The following HS2ST1 variants were observed in gnomAD, a reference collection of about 807,000 sequenced individuals.
HS2ST1 encodes heparan sulfate 2-O-sulfotransferase 1.
A neutral mutation model predicts 42.9 loss-of-function variants in HS2ST1; 18 were observed. The observed-to-expected ratio is 0.42, with a 90% CI of 0.29 to 0.62. HS2ST1 has a LOEUF of 0.62. HS2ST1 is among the 20% of genes least tolerant of loss of function. HS2ST1 has a pLI of 0.21. For missense variants in HS2ST1, 334 were observed against 433.8 expected, an observed-to-expected ratio of 0.77 and a Z score of 2.04; for synonymous variants, 146 against 152.9, an observed-to-expected ratio of 0.95 and a Z score of 0.33.
chr1:87,068,678 A>G (rs1651316240), intron 1 of HS2ST1, among the ~76,000 whole-genome samples: 1 of 152,138 alleles, frequency 6.6e-6, no homozygotes, highest in African/African-American at 2.4e-5. Flanking sequence ...TTAACTATTA[A>G]TAGCTTACTG....
At chr1:87,085,009 A>T (rs1439484273) in intron 3 of HS2ST1, among the ~76,000 whole-genome samples, 1 of 152,206 alleles carries the variant, frequency 6.6e-6, no homozygotes, top group Non-Finnish European at 1.5e-5. Context: ...ACAGTATTCA[A>T]GTACTATGTG....
intron 1 of HS2ST1, among the ~76,000 whole-genome samples, chr1:86,924,786 C>T (rs1328628509): frequency 6.6e-6 from 1 of 152,120 alleles, no homozygotes; most frequent in Admixed American, 6.5e-5. Flanking sequence ...TCCTTCTAAA[C>T]CTCTGGGCCT....
chr1:87,101,386 G>A lies in HS2ST1; in HGVS notation c.687-2046G>A, dbSNP rs900597711. 2.6e-5 allele frequency among the ~76,000 whole-genome samples: 4 copies of A among 151,636 alleles called. No homozygotes were observed. In the South Asian group the frequency reaches 6.3e-4, roughly 24 times the overall value. ...TCGCTATGTTGGCCAGGCTGGTCTC[G>A]AACTCCAGACCTCAGGTAATCCGCC... is the stretch of plus-strand genomic sequence containing the variant. On this transcript the variant is annotated intron_variant, in intron 5 of 6. Coordinates refer to ENST00000370550, the MANE Select transcript of HS2ST1 (RefSeq NM_012262.4).
chr1:86,997,171 A>G (rs777249678), intron 1 of HS2ST1, among the ~76,000 whole-genome samples: 4 of 152,174 alleles, frequency 2.6e-5, no homozygotes, highest in Non-Finnish European at 5.9e-5. Context: ...AGGAGCCCAG[A>G]GAGGCTGGTA....
intron 1 of HS2ST1, among the ~76,000 whole-genome samples, chr1:86,929,287 C>T (rs1036880406): frequency 1.3e-5 from 2 of 151,722 alleles, no homozygotes; most frequent in African/African-American, 4.8e-5. Flanking sequence ...TTTTTTGGTG[C>T]TGTAGTTTTT....
chr1:87,088,404 G>C (rs542137049), intron 3 of HS2ST1, among the ~76,000 whole-genome samples: 2 of 152,000 alleles, frequency 1.3e-5, no homozygotes, highest in African/African-American at 4.8e-5. Context: ...CATATCAGTA[G>C]TTAGTTCCTT....
intron 1 of HS2ST1, among the ~76,000 whole-genome samples, chr1:86,923,483 G>A (rs1194783249): frequency 1.3e-5 from 2 of 150,442 alleles, no homozygotes; most frequent in South Asian, 2.1e-4. Flanking sequence ...TGCAAGCTCC[G>A]CCTCTTGGGT....
intron 1 of HS2ST1, among the ~76,000 whole-genome samples, chr1:86,969,345 G>A (rs990397644): frequency 2.6e-5 from 4 of 151,922 alleles, no homozygotes; most frequent in Admixed American, 2.6e-4. Context: ...CTTGTTTATT[G>A]AGCCTTTTTC....
chr1:87,044,888 T>C (rs1298688286), intron 1 of HS2ST1: 1 of 1,283,542 alleles, frequency 7.8e-7, no homozygotes, highest in East Asian at 2.4e-5. Context: ...TCTGCCTAGA[T>C]AAACTAAGTA....
intron 1 of HS2ST1, among the ~76,000 whole-genome samples, chr1:86,940,385 A>G (rs527299135): frequency 9.2e-5 from 14 of 152,080 alleles, no homozygotes; most frequent in African/African-American, 3.1e-4. Flanking sequence ...AAAGAAAAAC[A>G]GAAACCTGAA....
chr1:86,998,548 A>G (rs749708556), intron 1 of HS2ST1, among the ~76,000 whole-genome samples: 61 of 152,308 alleles, frequency 4.0e-4, no homozygotes, highest in Admixed American at 2.4e-3. Context: ...CACAACAGTC[A>G]TTCCTGTTCT....
chr1:87,006,479 T>C (rs963481893), intron 1 of HS2ST1, among the ~76,000 whole-genome samples: 2 of 152,144 alleles, frequency 1.3e-5, no homozygotes, highest in African/African-American at 4.8e-5. Flanking sequence ...GTCTACTGAT[T>C]GATGAAGCCT....
chr1:86,922,081 C>T (rs1660311319), intron 1 of HS2ST1, among the ~76,000 whole-genome samples: 1 of 151,048 alleles, frequency 6.6e-6, no homozygotes, highest in Non-Finnish European at 1.5e-5. Context: ...TCTGTGATTC[C>T]TTTTTTTCTG....
intron 1 of HS2ST1, among the ~76,000 whole-genome samples, chr1:87,065,997 A>G (rs1393185282): frequency 1.3e-5 from 2 of 152,170 alleles, no homozygotes; most frequent in Admixed American, 1.3e-4. Flanking sequence ...CTAAAATGTT[A>G]CCCATAATAT....
intron 1 of HS2ST1, among the ~76,000 whole-genome samples, chr1:86,992,751 A>G (rs960909941): frequency 6.6e-5 from 10 of 152,192 alleles, no homozygotes; most frequent in African/African-American, 2.4e-4. Flanking sequence ...GGCCCTTTAC[A>G]AGACAGATGC....
At chr1:86,976,904 C>T (rs146572437) in intron 1 of HS2ST1, among the ~76,000 whole-genome samples, 57 of 151,384 alleles carry the variant, frequency 3.8e-4, no homozygotes, top group African/African-American at 1.3e-3. Context: ...GACTCTGTCT[C>T]TACCAGAAAT....
Position 87,103,550 on chromosome 1 carries a change from C to T in HS2ST1, c.805C>T (p.Pro269Ser), listed in dbSNP as rs1652264789. Reference protein sequence around the residue: ...DFIMLLEAALPRFFRGATELY... With the variant: ...DFIMLLEAALSRFFRGATELY... ...TATCATGTTATTGGAGGCAGCATTG[C>T]CCCGGTTTTTCAGGGGTGCTACTGA... Residue 269 changes from proline (P) to serine (S), a missense_variant, in exon 6 of 7, where the codon CCC becomes TCC. Coordinates refer to ENST00000370550, the MANE Select transcript of HS2ST1 (RefSeq NM_012262.4). 1 of 1,611,456 alleles carries T rather than the reference C, an allele frequency of 6.2e-7. No homozygotes were observed.
chr1:86,926,370 C>A (rs547974751), intron 1 of HS2ST1, among the ~76,000 whole-genome samples: 4 of 152,302 alleles, frequency 2.6e-5, no homozygotes, highest in African/African-American at 9.6e-5. Context: ...CCTTGTCTTT[C>A]CTAAAACCTT....
At chr1:87,101,164 T>G (rs1407509311) in intron 5 of HS2ST1, among the ~76,000 whole-genome samples, 48 of 118,230 alleles carry the variant, frequency 4.1e-4, no homozygotes, top group African/African-American at 1.1e-3. Context: ...TTGTTTTTTT[T>G]TTTTTTTTTT....
Sources: gnomAD v4.1 joint callset for allele counts (sites outside exome capture counted in the v4.1 genomes callset) on GRCh38, gnomAD v4.1.1 for gene constraint, MANE v1.5 for transcripts, NCBI Gene and HGNC (gene_info 2026-07-23, HGNC 2026-07-21) for gene names.